The following COG2 variants were observed in gnomAD, a reference collection of about 807,000 sequenced individuals.
The protein encoded by COG2 is component of oligomeric golgi complex 2.
COG2 carries 52 observed loss-of-function variants against 90.6 expected under a neutral mutation model. The ratio of observed to expected loss-of-function variants is 0.57; its 90% confidence interval spans 0.46 to 0.72. The LOEUF is 0.72. COG2 is among the 30% of genes least tolerant of loss of function. The pLI is 0.00. For missense variants in COG2, 829 were observed against 891.2 expected, an observed-to-expected ratio of 0.93 and a Z score of 0.89; for synonymous variants, 337 against 320.4, an observed-to-expected ratio of 1.05 and a Z score of -0.55.
chr1:230,668,438 A>T (rs1416143106), intron 5 of COG2, among the ~76,000 whole-genome samples: 1 of 150,978 alleles, frequency 6.6e-6, no homozygotes, highest in Non-Finnish European at 1.5e-5. Context: ...AGCAGCTTGT[A>T]CTCAACAGAT....
At chr1:230,649,051 A>G (rs1178317555) in intron 1 of COG2, among the ~76,000 whole-genome samples, 2 of 152,222 alleles carry the variant, frequency 1.3e-5, no homozygotes, top group African/African-American at 4.8e-5. Flanking sequence ...TCGTAAATAC[A>G]TCAAACACAG....
In COG2 at chr1:230,642,648, G is replaced by A. The variant is rs369420107; in HGVS notation, c.42G>A (p.Thr14=). ...TGAACCTGCCCAAGGGGCCGGACAC[G>A]CTCTGCTTCGACAAGGACGAGTTCA... ...SRMNLPKGPD[T]LCFDKDEFMK... The change falls in exon 1 of 18, where the codon ACG becomes ACA. Residue 14 remains threonine (T), a synonymous_variant. Coordinates refer to ENST00000366669, the MANE Select transcript of COG2 (RefSeq NM_007357.3). 7.1e-5 allele frequency: 114 copies of A among 1,613,022 alleles called. No individual in the cohort carries two copies. Among genetic ancestry groups the A allele is most frequent in the Non-Finnish European group, 9.2e-5 (109 of 1,179,664 alleles).
chr1:230,678,820 T>C, intron 9 of COG2, 93 bp from the exon 10 acceptor site: 1 of 1,586,344 alleles, frequency 6.3e-7, no homozygotes, highest in Non-Finnish European at 8.6e-7. Context: ...TCTTACGTGT[T>C]GAGCTTCTTT....
chr1:230,669,878 G>A (rs1181925535), intron 7 of COG2: 3 of 207,512 alleles, frequency 1.4e-5, no homozygotes, highest in Admixed American at 1.0e-4. Context: ...CTGGTCTTGT[G>A]GGTGGACTAA....
intron 9 of COG2, chr1:230,678,305 G>GGATGAT (rs202170916): frequency 3.1e-6 from 3 of 961,946 alleles, no homozygotes; most frequent in Non-Finnish European, 1.2e-6. Context: ...TGTAAAATGG[G>GGATGAT]GATGATGATG....
At chr1:230,677,344 G>T (rs10495297) in intron 9 of COG2, among the ~76,000 whole-genome samples, 2 of 152,098 alleles carry the variant, frequency 1.3e-5, no homozygotes, top group Non-Finnish European at 2.9e-5. Flanking sequence ...TTTAAGTGTA[G>T]AGAGGCACAA....
At chr1:230,651,833 C>G (rs762384915) in intron 1 of COG2, among the ~76,000 whole-genome samples, 1 of 152,104 alleles carries the variant, frequency 6.6e-6, no homozygotes, top group Non-Finnish European at 1.5e-5. Flanking sequence ...AAAAGTTTAT[C>G]TACCTTAGTA....
chr1:230,690,198 T>C (rs1433543720), intron 16 of COG2, 45 bp downstream of exon 16: 46 of 1,570,682 alleles, frequency 2.9e-5, no homozygotes, highest in Non-Finnish European at 4.0e-5. Flanking sequence ...CTTAGAAGAG[T>C]CTGCGGCAGA....
chr1:230,655,682 C>G (rs972287437), intron 1 of COG2, among the ~76,000 whole-genome samples: 1 of 152,192 alleles, frequency 6.6e-6, no homozygotes, highest in Admixed American at 6.5e-5. Flanking sequence ...GGTACCAGCT[C>G]CTCTTTGTAC....
At chr1:230,644,069 C>T (rs993391752) in intron 1 of COG2, among the ~76,000 whole-genome samples, 1 of 152,210 alleles carries the variant, frequency 6.6e-6, no homozygotes, top group Non-Finnish European at 1.5e-5. Flanking sequence ...TCACTAGCCC[C>T]ACCACCTTTC....
At chr1:230,643,236 T>C (rs952905273) in intron 1 of COG2, among the ~76,000 whole-genome samples, 1 of 152,230 alleles carries the variant, frequency 6.6e-6, no homozygotes, top group African/African-American at 2.4e-5. Context: ...TGCTCTACTT[T>C]TTACGTGATG....
In COG2 at chr1:230,693,344, C is replaced by A. The variant is rs781459524; in HGVS notation, c.2168C>A (p.Ala723Glu). Residue 723 changes from alanine (A) to glutamate (E), a missense_variant, in exon 18 of 18, where the codon GCA becomes GAA. Coordinates refer to ENST00000366669, the MANE Select transcript of COG2 (RefSeq NM_007357.3). ...ASDIKSFSAL[A>E]ELVAAAKDQA... ...GACATAAAAAGCTTCTCAGCTCTCGCAGAGCTTGTTGCTGCTGCCAAGGAC... is the reference window on the plus strand; with the variant it reads ...GACATAAAAAGCTTCTCAGCTCTCGAAGAGCTTGTTGCTGCTGCCAAGGAC... 1 of 1,613,666 alleles carries A rather than the reference C, an allele frequency of 6.2e-7. No homozygotes were observed.
chr1:230,657,610 C>G (rs145213913), intron 1 of COG2, among the ~76,000 whole-genome samples: 238 of 152,232 alleles, frequency 1.6e-3, no homozygotes, highest in African/African-American at 5.3e-3. Flanking sequence ...TGAATGTTGA[C>G]CTGTCTTGCT....
chr1:230,659,305 C>T (rs927519631), intron 1 of COG2, among the ~76,000 whole-genome samples, 159 bp from the exon 2 acceptor site: 5 of 152,188 alleles, frequency 3.3e-5, no homozygotes, highest in Non-Finnish European at 7.3e-5. Context: ...GGACAAACAC[C>T]TTCATACTGT....
intron 1 of COG2, among the ~76,000 whole-genome samples, chr1:230,657,871 T>G (rs1416607451): frequency 6.6e-6 from 1 of 152,074 alleles, no homozygotes; most frequent in African/African-American, 2.4e-5. Context: ...TATTGATACT[T>G]GTGTGTGCTC....
At position 230,690,351 on chromosome 1, in the gene COG2, C is replaced by CTCTGCCTGGGCT. The variant is rs539880407; in HGVS notation, c.1934+201_1934+212dup. On this transcript the variant is annotated intron_variant, in intron 16 of 17. Transcript: ENST00000366669. ...TGTGGACGGCCTGTGGGCTGGCTTC[C>CTCTGCCTGGGCT]TCTGCCTGGGCTTCAGCCTCGGGGC... 2.0e-4 allele frequency: 95 copies of CTCTGCCTGGGCT among 484,900 alleles called. 2 individuals are homozygous for CTCTGCCTGGGCT. The South Asian group carries it at 3.0e-3, about 15-fold the overall frequency. 30.0% of individuals were successfully genotyped at this position (484,900 alleles called of 1,614,324 possible).
At chr1:230,666,746 T>C (rs931313910) in intron 5 of COG2, among the ~76,000 whole-genome samples, 6 of 152,200 alleles carry the variant, frequency 3.9e-5, no homozygotes, top group African/African-American at 1.4e-4. Context: ...ACCTGCCCGA[T>C]TTCTCTTTAT....
Position 230,671,598 on chromosome 1 carries a change from A to G in COG2, c.857A>G (p.His286Arg), listed in dbSNP as rs1423936068. ...AAACTCCTGGAGTTTGTTCCTCACC[A>G]TTGCCGCCTTCTTCGAGAAGTCACA... The part of the protein sequence containing the change: ...YNKLLEFVPH[H>R]CRLLREVTGG... Residue 286 changes from histidine to arginine, a missense_variant, in exon 8 of 18, where the codon CAT becomes CGT. His to Arg is a conservative substitution (Grantham distance 29). Coordinates refer to ENST00000366669, the MANE Select transcript of COG2 (RefSeq NM_007357.3). 1 of 1,613,842 alleles carries G rather than the reference A, an allele frequency of 6.2e-7. No homozygotes were observed. Among genetic ancestry groups the G allele is most frequent in the South Asian group, 1.1e-5 (1 of 91,078 alleles).
intron 9 of COG2, among the ~76,000 whole-genome samples, chr1:230,676,473 C>G (rs545475588): frequency 6.6e-6 from 1 of 152,298 alleles, no homozygotes; most frequent in Non-Finnish European, 1.5e-5. Flanking sequence ...ACTTAGAACA[C>G]ATTAACACCA....
Sources: allele counts gnomAD v4.1 joint callset (sites outside exome capture counted in the v4.1 genomes callset), GRCh38; gene constraint gnomAD v4.1.1; transcripts MANE v1.5; gene names NCBI Gene and HGNC (gene_info 2026-07-23, HGNC 2026-07-21).